PLCE1: variants seen among roughly 807,000 people sequenced by gnomAD.
PLCE1 encodes the protein phospholipase C epsilon 1, also known as 1-phosphatidylinositol 4,5-bisphosphate phosphodiesterase epsilon-1.
In PLCE1, 119 loss-of-function variants were observed where a neutral mutation model predicts 242.8. The ratio of observed to expected loss-of-function variants is 0.49; its 90% CI spans 0.42 to 0.57. PLCE1 has a LOEUF of 0.57. PLCE1 is among the 20% of genes least tolerant of loss of function. The pLI is 0.00. For missense variants in PLCE1, 2,441 were observed against 2,788.8 expected (o/e 0.88, Z 2.81); for synonymous variants, 945 against 1,017.4 (o/e 0.93, Z 1.35).
intron 14 of PLCE1, 112 bp downstream of exon 14, chr10:94,262,844 G>A (rs2051351173): frequency 1.1e-6 from 1 of 872,718 alleles, no homozygotes; most frequent in Non-Finnish European, 2.0e-6. Context: ...TTAAATCTGG[G>A]ACAGATATAC....
intron 2 of PLCE1, among the ~76,000 whole-genome samples, chr10:94,110,740 T>C (rs1413846056): frequency 6.6e-6 from 1 of 152,158 alleles, no homozygotes; most frequent in Non-Finnish European, 1.5e-5. Context: ...ATTTTGAAAA[T>C]TGGAATGGGA....
chr10:94,299,951 G>C (rs1784729914), intron 24 of PLCE1, among the ~76,000 whole-genome samples: 1 of 152,118 alleles, frequency 6.6e-6, no homozygotes, highest in African/African-American at 2.4e-5. Context: ...GTATGATTTG[G>C]GCTCACAAAT....
chr10:93,994,940 G>C (rs535979022), intron 1 of PLCE1, among the ~76,000 whole-genome samples: 1 of 152,300 alleles, frequency 6.6e-6, no homozygotes, highest in South Asian at 2.1e-4. Flanking sequence ...TAGGATTCAC[G>C]TCTTCGAAAA....
chr10:94,240,056 C>T (rs1230624113), intron 7 of PLCE1, among the ~76,000 whole-genome samples: 3 of 152,140 alleles, frequency 2.0e-5, no homozygotes, highest in African/African-American at 7.2e-5. Flanking sequence ...ACACCTGAGA[C>T]CCAACATGAT....
chr10:94,109,422 A>G (rs2045873135), intron 2 of PLCE1, among the ~76,000 whole-genome samples: 1 of 152,186 alleles, frequency 6.6e-6, no homozygotes. Context: ...AGCCTGGCCA[A>G]CATAGTGAAA....
At chr10:94,234,570 G>GT (rs2050254271) in intron 6 of PLCE1, among the ~76,000 whole-genome samples, 1 of 152,174 alleles carries the variant, frequency 6.6e-6, no homozygotes, top group South Asian at 2.1e-4. Flanking sequence ...AAAGGGTGTT[G>GT]TTTTCTGATG....
At chr10:94,058,637 C>CTG (rs1386670908) in intron 2 of PLCE1, among the ~76,000 whole-genome samples, 1 of 152,118 alleles carries the variant, frequency 6.6e-6, no homozygotes, top group African/African-American at 2.4e-5. Context: ...CATCTAAACC[C>CTG]TGGGTGATGA....
At chr10:94,075,869 T>C (rs2044483801) in intron 2 of PLCE1, among the ~76,000 whole-genome samples, 1 of 152,222 alleles carries the variant, frequency 6.6e-6, no homozygotes, top group Non-Finnish European at 1.5e-5. Flanking sequence ...TGGAAGTCAG[T>C]GGAATTATTG....
intron 2 of PLCE1, among the ~76,000 whole-genome samples, chr10:94,055,373 CGAT>C (rs1489687871): frequency 1.3e-5 from 2 of 150,484 alleles, no homozygotes; most frequent in African/African-American, 4.9e-5. Context: ...TGTGGTGGTG[CGAT>C]CTCCACTCAC....
chr10:94,044,994 A>T (rs921491949), intron 2 of PLCE1, among the ~76,000 whole-genome samples: 2 of 152,040 alleles, frequency 1.3e-5, no homozygotes, highest in African/African-American at 2.4e-5. Flanking sequence ...TTTTTTAAAA[A>T]TTTTTTATTA....
chr10:94,141,954 C>T (rs72812701), intron 3 of PLCE1, among the ~76,000 whole-genome samples: 1 of 152,062 alleles, frequency 6.6e-6, no homozygotes, highest in South Asian at 2.1e-4. Flanking sequence ...CCATTAGATT[C>T]CAAAACTTCC....
At chr10:94,014,294 G>T (rs765112315) in intron 1 of PLCE1, among the ~76,000 whole-genome samples, 13 of 152,190 alleles carry the variant, frequency 8.5e-5, no homozygotes, top group Admixed American at 3.3e-4. Context: ...TAACAAAATT[G>T]ATCATCTTAA....
chr10:94,313,613 G>A (rs1294126427), intron 28 of PLCE1, among the ~76,000 whole-genome samples: 3 of 152,174 alleles, frequency 2.0e-5, no homozygotes, highest in Non-Finnish European at 4.4e-5. Context: ...TCAACCTGTA[G>A]AGAAGATTTT....
At chr10:94,136,838 C>CAAA (rs1423074213) in intron 3 of PLCE1, among the ~76,000 whole-genome samples, 2 of 152,182 alleles carry the variant, frequency 1.3e-5, no homozygotes, top group Admixed American at 1.3e-4. Context: ...TGTGCTGTCT[C>CAAA]AAAGTGGAAA....
In PLCE1 at chr10:94,321,988, G is replaced by A; in HGVS notation, c.6430G>A (p.Val2144Ile). 2 of 1,614,032 alleles carry A rather than the reference G, an allele frequency of 1.2e-6. No individual in the cohort carries two copies. Among genetic ancestry groups the A allele is most frequent in the Non-Finnish European group, 1.7e-6 (2 of 1,179,908 alleles). ...GAGTTTCTTTGTCCAAGTGCATGAT[G>A]TTTCTCCAGAGCAACCTCGAACAGT... is the stretch of plus-strand genomic sequence containing the variant. ...EESFFVQVHD[V>I]SPEQPRTVIK... The change falls in exon 30 of 33, where the codon GTT becomes ATT. Residue 2144 changes from valine to isoleucine, a missense_variant. This residue lies in a region of PLCE1 where 310 missense variants were observed against 317.2 expected (regional missense o/e 0.98). Transcript: ENST00000371380.
chr10:94,134,910 G>A (rs1160524628), intron 3 of PLCE1, among the ~76,000 whole-genome samples: 1 of 152,172 alleles, frequency 6.6e-6, no homozygotes, highest in Non-Finnish European at 1.5e-5. Context: ...GCTCTTTGGT[G>A]ATTTCTGAGA....
intron 3 of PLCE1, among the ~76,000 whole-genome samples, chr10:94,135,116 A>G (rs2135941888): frequency 6.6e-6 from 1 of 152,154 alleles, no homozygotes; most frequent in South Asian, 2.1e-4. Flanking sequence ...GCATTAGAAA[A>G]CCAGATGGGT....
chr10:93,999,903 A>G (rs909811942), intron 1 of PLCE1, among the ~76,000 whole-genome samples: 2 of 151,862 alleles, frequency 1.3e-5, no homozygotes, highest in African/African-American at 4.8e-5. Flanking sequence ...CCAGTGGGGG[A>G]TTATTTTTGC....
rs1261297917 is a variant in PLCE1, at chr10:94,330,942, AAT to A, written c.*3002_*3003del. ...TAAAGTTGATGTGGACAAGAATCTAAATATGCAAGTTGGGGTCATTACAAAAT... is the reference window on the plus strand; with the variant it reads ...TAAAGTTGATGTGGACAAGAATCTAAATGCAAGTTGGGGTCATTACAAAAT... On this transcript the variant is annotated 3_prime_UTR_variant, in exon 33 of 33. Coordinates refer to ENST00000371380, the MANE Select transcript of PLCE1 (RefSeq NM_016341.4). The A allele has an allele frequency of 6.6e-6, 1 of 152,222 alleles. No individual in the cohort carries two copies. Among genetic ancestry groups the A allele is most frequent in the East Asian group, 1.9e-4 (1 of 5,192 alleles). 9.4% of individuals were successfully genotyped at this position (152,222 alleles called of 1,614,324 possible). A position where few individuals can be genotyped will look rare whatever the true frequency, so the allele number is the denominator to read the frequency against.
Sources: gnomAD v4.1 joint callset for allele counts (sites outside exome capture counted in the v4.1 genomes callset) on GRCh38, gnomAD v4.1.1 for gene constraint, gnomAD v4.1.1 regional missense constraint, MANE v1.5 for transcripts, NCBI Gene and HGNC (gene_info 2026-07-23, HGNC 2026-07-21) for gene names.